NRXN1: variants seen among roughly 807,000 people sequenced by gnomAD.
The protein encoded by NRXN1 is neurexin-1.
In NRXN1, 39 loss-of-function variants were observed where a neutral mutation model predicts 150.9. The ratio of observed to expected loss-of-function variants is 0.26; its 90% CI spans 0.20 to 0.34. The LOEUF is 0.34. Among genes scored for constraint, NRXN1 ranks in the 10% least tolerant of loss-of-function variants. The probability of loss-of-function intolerance (pLI) is 1.00; values close to 1 mark genes in which losing one functional copy is unlikely to be tolerated. For synonymous variants in NRXN1, 924 were observed against 757.0 expected, an observed-to-expected ratio of 1.22 and a Z score of -3.62; for missense variants, 1,815 against 1,949.9, an observed-to-expected ratio of 0.93 and a Z score of 1.30.
intron 5 of NRXN1, among the ~76,000 whole-genome samples, chr2:50,710,498 A>G (rs532107415): frequency 6.6e-6 from 1 of 152,258 alleles, no homozygotes; most frequent in South Asian, 2.1e-4. Context: ...TCTATTTTTC[A>G]GCAAGCTATT....
chr2:50,448,529 A>G (rs75415272), intron 17 of NRXN1, among the ~76,000 whole-genome samples: 4,584 of 152,316 alleles, frequency 0.03, 188 homozygotes, highest in East Asian at 0.11. Context: ...TGAAAGGAAC[A>G]TGTAATTTCA....
At chr2:50,379,280 A>G (rs2080766553) in intron 17 of NRXN1, among the ~76,000 whole-genome samples, 2 of 152,152 alleles carry the variant, frequency 1.3e-5, no homozygotes, top group Admixed American at 6.6e-5. Context: ...ATCAGTCAGT[A>G]TACTCACTTT....
intron 21 of NRXN1, among the ~76,000 whole-genome samples, chr2:50,031,871 T>C (rs143767710): frequency 5.1e-4 from 77 of 152,136 alleles, no homozygotes; most frequent in Non-Finnish European, 9.4e-4. Context: ...GGTGTTCTTA[T>C]TAGAGAGCAT....
intron 19 of NRXN1, among the ~76,000 whole-genome samples, chr2:50,086,680 T>A (rs961250385): frequency 6.6e-6 from 1 of 152,168 alleles, no homozygotes. Context: ...ACATGAATAA[T>A]AATGTCTTTG....
intron 2 of NRXN1, among the ~76,000 whole-genome samples, chr2:50,990,188 G>T (rs2104977362): frequency 6.6e-6 from 1 of 152,016 alleles, no homozygotes; most frequent in Non-Finnish European, 1.5e-5. Flanking sequence ...AAGGGTGTTT[G>T]TGTATTTAGG....
At chr2:50,949,274 A>G (rs1690898281) in intron 2 of NRXN1, among the ~76,000 whole-genome samples, 1 of 152,056 alleles carries the variant, frequency 6.6e-6, no homozygotes, top group Non-Finnish European at 1.5e-5. Context: ...GAGTTGAAAT[A>G]GGGATTTAGT....
intron 2 of NRXN1, among the ~76,000 whole-genome samples, chr2:50,938,760 G>A (rs1034456335): frequency 6.6e-6 from 1 of 152,098 alleles, no homozygotes; most frequent in African/African-American, 2.4e-5. Flanking sequence ...GGAATTAAAT[G>A]AAGAATGAAT....
At chr2:50,780,182 G>A (rs916886140) in intron 5 of NRXN1, among the ~76,000 whole-genome samples, 2 of 152,026 alleles carry the variant, frequency 1.3e-5, no homozygotes, top group African/African-American at 4.8e-5. Flanking sequence ...ATAAGTGTCC[G>A]TTTATATCCT....
chr2:50,783,826 C>T (rs542786641), intron 5 of NRXN1, among the ~76,000 whole-genome samples: 2 of 152,078 alleles, frequency 1.3e-5, no homozygotes, highest in Non-Finnish European at 2.9e-5. Context: ...TTGGCTTTGA[C>T]AGGAATTATA....
chr2:50,451,561 C>T (rs1004132949), intron 17 of NRXN1, among the ~76,000 whole-genome samples: 4 of 152,146 alleles, frequency 2.6e-5, no homozygotes, highest in African/African-American at 7.2e-5. Context: ...ATCGGTTCTT[C>T]CTCATTTTTG....
At chr2:50,613,711 G>A (rs1412122348) in intron 8 of NRXN1, among the ~76,000 whole-genome samples, 1 of 152,120 alleles carries the variant, frequency 6.6e-6, no homozygotes, top group African/African-American at 2.4e-5. Context: ...GGCCCAGGTG[G>A]GTGGATCACA....
At chr2:50,164,397 A>G (rs1321383278) in intron 18 of NRXN1, among the ~76,000 whole-genome samples, 1 of 152,230 alleles carries the variant, frequency 6.6e-6, no homozygotes, top group Non-Finnish European at 1.5e-5. Context: ...GGTGGTAATT[A>G]GAAGGCAGAG....
At chr2:50,075,413 T>C (rs1696932130) in intron 19 of NRXN1, among the ~76,000 whole-genome samples, 1 of 152,220 alleles carries the variant, frequency 6.6e-6, no homozygotes, top group Admixed American at 6.5e-5. Flanking sequence ...TAAAAAGCCT[T>C]AGATCATTAA....
intron 12 of NRXN1, among the ~76,000 whole-genome samples, chr2:50,512,688 A>C (rs2092494468): frequency 6.6e-6 from 1 of 152,104 alleles, no homozygotes; most frequent in Admixed American, 6.6e-5. Context: ...TGCATTACCT[A>C]ATTGTCTGGC....
intron 5 of NRXN1, among the ~76,000 whole-genome samples, chr2:50,670,308 A>G (rs1487846107): frequency 1.3e-5 from 2 of 151,840 alleles, no homozygotes; most frequent in Non-Finnish European, 2.9e-5. Context: ...AAAAAAAACT[A>G]GTGAAAACTT....
intron 18 of NRXN1, among the ~76,000 whole-genome samples, chr2:50,100,002 A>C (rs1700783139): frequency 6.6e-6 from 1 of 152,124 alleles, no homozygotes; most frequent in Admixed American, 6.5e-5. Flanking sequence ...TCACGGAAAA[A>C]ATTTAGATAT....
At chr2:50,830,874 G>A (rs964970821) in intron 5 of NRXN1, among the ~76,000 whole-genome samples, 2 of 152,002 alleles carry the variant, frequency 1.3e-5, no homozygotes, top group Non-Finnish European at 2.9e-5. Flanking sequence ...CAGAAAAAAC[G>A]ACACACACAT....
chr2:50,769,657 C>A (rs2105440358), intron 5 of NRXN1, among the ~76,000 whole-genome samples: 1 of 152,176 alleles, frequency 6.6e-6, no homozygotes, highest in Non-Finnish European at 1.5e-5. Context: ...CACTAGGCTA[C>A]AAGGAAATTC....
At chr2:50,068,086 A>C (rs1474660320) in intron 19 of NRXN1, among the ~76,000 whole-genome samples, 3 of 152,212 alleles carry the variant, frequency 2.0e-5, no homozygotes, top group Admixed American at 2.0e-4. Context: ...CTCAAGTGGA[A>C]AAGAAAAGTC....
Sources: allele counts gnomAD v4.1 joint callset (sites outside exome capture counted in the v4.1 genomes callset), GRCh38; gene constraint gnomAD v4.1.1; transcripts MANE v1.5; gene names NCBI Gene and HGNC (gene_info 2026-07-23, HGNC 2026-07-21).